Variants in DNAJC25 observed in about 807,000 individuals in gnomAD.
DNAJC25 encodes the protein dnaJ homolog subfamily C member 25.
DNAJC25 carries 26 observed loss-of-function variants against 42.1 expected under a neutral mutation model. The ratio of observed to expected loss-of-function variants is 0.62; its 90% CI spans 0.45 to 0.86. The LOEUF is 0.86. Ranked by LOEUF, DNAJC25 falls within the 40% of genes least tolerant of loss-of-function variation. DNAJC25 has a pLI of 0.00. For missense variants in DNAJC25, 404 were observed against 459.4 expected (o/e 0.88, Z 1.10); for synonymous variants, 189 against 179.9 (o/e 1.05, Z -0.40).
At chr9:111,643,039 C>T (rs1054535335) in intron 1 of DNAJC25, 4 of 382,020 alleles carry the variant, frequency 1.0e-5, no homozygotes, top group Non-Finnish European at 1.7e-5. Context: ...TCTCCAGACC[C>T]TGGGACCTTA....
intron 1 of DNAJC25, among the ~76,000 whole-genome samples, chr9:111,643,249 G>A (rs1273977142): frequency 1.3e-5 from 2 of 152,206 alleles, no homozygotes; most frequent in African/African-American, 4.8e-5. Flanking sequence ...CCTATGTAGT[G>A]GAGAGATGCA....
chr9:111,635,507 ATGTT>A (rs1830350067), intron 1 of DNAJC25, among the ~76,000 whole-genome samples: 1 of 152,230 alleles, frequency 6.6e-6, no homozygotes, highest in Non-Finnish European at 1.5e-5. Flanking sequence ...TCTACTTTTA[ATGTT>A]CTGAGGGTTT....
chr9:111,648,594 A>G, intron 2 of DNAJC25, among the ~76,000 whole-genome samples: 1 of 152,152 alleles, frequency 6.6e-6, no homozygotes, highest in Non-Finnish European at 1.5e-5. Context: ...ATGAATAAAA[A>G]CTACATTGGA....
At chr9:111,636,164 G>A (rs991697451) in intron 1 of DNAJC25, among the ~76,000 whole-genome samples, 1 of 152,228 alleles carries the variant, frequency 6.6e-6, no homozygotes, top group Non-Finnish European at 1.5e-5. Flanking sequence ...AGAGAAGAAT[G>A]TACCCTTTGA....
intron 1 of DNAJC25, chr9:111,642,691 G>C: frequency 5.4e-6 from 1 of 185,648 alleles, no homozygotes; most frequent in Non-Finnish European, 1.2e-5. Context: ...TACAATTTAT[G>C]TACTGAGATC....
intron 1 of DNAJC25, chr9:111,643,051 G>C (rs891888749): frequency 5.6e-6 from 2 of 355,026 alleles, no homozygotes; most frequent in Admixed American, 6.9e-5. Flanking sequence ...GGGACCTTAA[G>C]ATCCACAAAA....
In DNAJC25 at chr9:111,634,765, A is replaced by G. The variant is rs1175720620; in HGVS notation, c.336+3022A>G. On this transcript the variant is annotated intron_variant, in intron 1 of 3. Coordinates refer to ENST00000313525, the MANE Select transcript of DNAJC25 (RefSeq NM_001015882.3). ...GTGGTGGTGGTTAAAAAATAAGTAC[A>G]CTAACATGACTTAAATACAGTTGGT... 2.0e-5 allele frequency among the ~76,000 whole-genome samples: 3 copies of G among 151,942 alleles called. No individual in the cohort carries two copies. In the East Asian group the frequency reaches 5.8e-4, roughly 29 times the overall value.
intron 1 of DNAJC25, chr9:111,642,971 A>G (rs1355603722): frequency 1.5e-5 from 7 of 470,408 alleles, no homozygotes; most frequent in Admixed American, 4.7e-5. Context: ...GTCAAGGCTC[A>G]GGACAGACAG....
intron 1 of DNAJC25, among the ~76,000 whole-genome samples, chr9:111,636,010 G>T (rs1269092172): frequency 1.3e-5 from 2 of 152,160 alleles, no homozygotes; most frequent in Admixed American, 6.5e-5. Context: ...CCATAACAAA[G>T]GAAAAGACAC....
intron 1 of DNAJC25, chr9:111,642,835 C>T (rs941064414): frequency 1.3e-5 from 6 of 470,264 alleles, no homozygotes; most frequent in Non-Finnish European, 2.6e-5. Context: ...CACTTTTGAT[C>T]TAGATATTGG....
chr9:111,641,578 G>C (rs1355069178), intron 1 of DNAJC25, among the ~76,000 whole-genome samples: 1 of 128,368 alleles, frequency 7.8e-6, no homozygotes, highest in Non-Finnish European at 1.6e-5. Context: ...GAGGGAGGTG[G>C]GGGGGTCGGC....
chr9:111,645,165 A>AT (rs1260432103), intron 1 of DNAJC25, among the ~76,000 whole-genome samples: 1 of 152,218 alleles, frequency 6.6e-6, no homozygotes, highest in Non-Finnish European at 1.5e-5. Flanking sequence ...ACTAGTTTAC[A>AT]TCGTTTCATA....
rs1293326320 is a variant in DNAJC25 at position 111,653,129 on chromosome 9, A to G, written c.990A>G (p.Leu330=). 1.2e-6 allele frequency: 2 copies of G among 1,602,994 alleles called. No homozygotes were observed. Among genetic ancestry groups the G allele is most frequent in the Non-Finnish European group, 1.7e-6 (2 of 1,173,418 alleles). Residue 330 remains leucine (L), a synonymous_variant, in exon 4 of 4, where the codon TTA becomes TTG. Transcript: ENST00000313525. ...ACAAGCAAGAACAAGAGGAAGAATT[A>G]AAGAAAAAGTTGGCAAATGACCCCA... ...EVYKQEQEEE[L]KKKLANDPRW... is the part of the protein sequence containing the mutation.
At position 111,634,994 on chromosome 9, in the gene DNAJC25, A is replaced by G. The variant is rs1409998227; in HGVS notation, c.336+3251A>G. ...CCAGATCTCAGCAAAACTTCAAACC[A>G]TTATGATTTCACACACTGCTTTATA... On this transcript the variant is annotated intron_variant, in intron 1 of 3. Transcript: ENST00000313525. 3.3e-5 allele frequency among the ~76,000 whole-genome samples: 5 copies of G among 152,326 alleles called. No homozygotes were observed. The East Asian group carries it at 9.6e-4, about 29-fold the overall frequency.
intron 2 of DNAJC25, 123 bp downstream of exon 2, chr9:111,647,382 T>C: frequency 8.0e-7 from 1 of 1,246,916 alleles, no homozygotes; most frequent in South Asian, 1.6e-5. Context: ...TTGAGATCTG[T>C]TTTAGTCATT....
chr9:111,640,739 C>T, intron 1 of DNAJC25, among the ~76,000 whole-genome samples: 1 of 95,344 alleles, frequency 1.0e-5, no homozygotes, highest in African/African-American at 5.2e-5. Flanking sequence ...GCAGCTGCCC[C>T]GTCTGAGAAG....
intron 2 of DNAJC25, among the ~76,000 whole-genome samples, chr9:111,648,469 C>T (rs1271453673): frequency 2.6e-5 from 4 of 151,756 alleles, no homozygotes; most frequent in East Asian, 1.9e-4. Flanking sequence ...ACGGTTTTGC[C>T]GTGTTGCCCA....
rs1264165933 is a variant in DNAJC25, at chr9:111,631,489, C to T, written c.82C>T (p.Pro28Ser). The T allele has an allele frequency of 2.3e-6, 3 of 1,323,750 alleles. No individual in the cohort carries two copies. The highest frequency in any genetic ancestry group is 2.9e-6 in the Non-Finnish European group (3 of 1,043,536). 82.0% of individuals were successfully genotyped at this position (1,323,750 alleles called of 1,614,324 possible). A position where few individuals can be genotyped will look rare whatever the true frequency, so the allele number is the denominator to read the frequency against. ...RWWMLLAPLLPALLLVRPAGA... is the reference protein window; with the variant it reads ...RWWMLLAPLLSALLLVRPAGA... ...GTGGATGCTGCTGGCGCCCCTGCTGCCGGCGCTGCTGCTGGTGCGGCCCGC... is the reference window on the plus strand; with the variant it reads ...GTGGATGCTGCTGGCGCCCCTGCTGTCGGCGCTGCTGCTGGTGCGGCCCGC... The change falls in exon 1 of 4, where the codon CCG becomes TCG. Residue 28 changes from proline to serine, a missense_variant. Physicochemically the swap from Pro to Ser is moderately conservative, Grantham distance 74. Transcript: ENST00000313525.
chr9:111,646,590 T>C (rs4978454), intron 1 of DNAJC25, among the ~76,000 whole-genome samples: 108,457 of 152,172 alleles, frequency 0.71, 40,178 homozygotes, highest in East Asian at 0.95. Context: ...TCTAAGGTCA[T>C]AAAGCTAGAC....
Sources: gnomAD v4.1 joint callset for allele counts (sites outside exome capture counted in the v4.1 genomes callset) on GRCh38, gnomAD v4.1.1 for gene constraint, MANE v1.5 for transcripts, NCBI Gene and HGNC (gene_info 2026-07-23, HGNC 2026-07-21) for gene names.